CGNL1: variants seen among roughly 807,000 people sequenced by gnomAD.
The protein encoded by CGNL1 is cingulin-like protein 1.
In CGNL1, 132 loss-of-function variants were observed where a neutral mutation model predicts 141.2. The observed-to-expected ratio is 0.93, with a 90% CI of 0.81 to 1.08. The LOEUF (loss-of-function observed/expected upper bound fraction) is 1.08, where lower values mean the gene tolerates loss of function less well. CGNL1 is among the 50% of genes least tolerant of loss of function. The pLI is 0.00. For missense variants in CGNL1, 1,870 were observed against 1,588.6 expected, an observed-to-expected ratio of 1.18 and a Z score of -3.01; for synonymous variants, 690 against 622.1, an observed-to-expected ratio of 1.11 and a Z score of -1.63.
At chr15:57,425,740 CA>C (rs35847617) in intron 1 of CGNL1, among the ~76,000 whole-genome samples, 41,210 of 114,030 alleles carry the variant, frequency 0.36, 5,888 homozygotes, top group African/African-American at 0.4. Context: ...GAGCCTGTCT[CA>C]AAAAAAAAAA....
At chr15:57,526,604 G>A (rs569316876) in intron 12 of CGNL1, among the ~76,000 whole-genome samples, 26 of 152,220 alleles carry the variant, frequency 1.7e-4, no homozygotes, top group African/African-American at 4.8e-4. Flanking sequence ...TTAGAGAATC[G>A]AGACTTAGTG....
chr15:57,456,904 G>A (rs1392433674), intron 7 of CGNL1, among the ~76,000 whole-genome samples: 1 of 152,158 alleles, frequency 6.6e-6, no homozygotes, highest in Non-Finnish European at 1.5e-5. Context: ...AAATAGTCTG[G>A]TTATAAAATT....
At position 57,528,693 on chromosome 15, in the gene CGNL1, G is replaced by A; in HGVS notation, c.3079G>A (p.Ala1027Thr). 1 of 1,614,178 alleles carries A rather than the reference G, an allele frequency of 6.2e-7. No homozygotes were observed. The highest frequency in any genetic ancestry group is 8.5e-7 in the Non-Finnish European group (1 of 1,180,018). Residue 1027 changes from alanine to threonine, a missense_variant, in exon 13 of 19, where the codon GCT (alanine) becomes ACT (threonine). Transcript: ENST00000281282. Reference protein sequence around the residue: ...MEEELRDYQRAQDEALTKRQL... With the variant: ...MEEELRDYQRTQDEALTKRQL... The stretch of plus-strand genomic sequence containing the variant: ...GGAAGAGTTACGGGACTACCAGAGA[G>A]CTCAGGATGAAGCACTCACAAAAAG...
intron 6 of CGNL1, among the ~76,000 whole-genome samples, chr15:57,452,580 G>C (rs542983006): frequency 6.6e-6 from 1 of 152,172 alleles, no homozygotes; most frequent in Non-Finnish European, 1.5e-5. Context: ...AGGGAGCACT[G>C]AGCGCTGATA....
intron 14 of CGNL1, among the ~76,000 whole-genome samples, chr15:57,540,345 AG>A (rs749078375): frequency 5.3e-5 from 8 of 152,216 alleles, no homozygotes; most frequent in Non-Finnish European, 8.8e-5. Context: ...TGAGAAGCAC[AG>A]TCATGTCTTA....
chr15:57,547,295 C>A, intron 18 of CGNL1, 60 bp from the exon 19 acceptor site: 1 of 1,591,438 alleles, frequency 6.3e-7, no homozygotes, highest in South Asian at 1.1e-5. Context: ...CCCTTTAAGT[C>A]CAAATTAGCT....
chr15:57,435,273 T>C (rs144614759), intron 1 of CGNL1, among the ~76,000 whole-genome samples: 2 of 152,246 alleles, frequency 1.3e-5, no homozygotes, highest in African/African-American at 4.8e-5. Flanking sequence ...TATTGGTAGG[T>C]TAGCCAAGTG....
At chr15:57,412,976 T>A (rs1285842999) in intron 1 of CGNL1, among the ~76,000 whole-genome samples, 1 of 152,124 alleles carries the variant, frequency 6.6e-6, no homozygotes, top group Non-Finnish European at 1.5e-5. Flanking sequence ...TTCTCCTGCC[T>A]CAGCCTCCTG....
intron 14 of CGNL1, among the ~76,000 whole-genome samples, chr15:57,540,949 C>T (rs1205522512): frequency 2.6e-5 from 4 of 152,200 alleles, no homozygotes; most frequent in African/African-American, 4.8e-5. Flanking sequence ...AGGGGAAACT[C>T]CTAATGGTTG....
At chr15:57,472,768 C>G (rs1415255460) in intron 8 of CGNL1, among the ~76,000 whole-genome samples, 2 of 152,072 alleles carry the variant, frequency 1.3e-5, no homozygotes, top group Admixed American at 1.3e-4. Context: ...TGTCTTTGGG[C>G]AGGTGGATGA....
intron 8 of CGNL1, among the ~76,000 whole-genome samples, chr15:57,467,525 TG>T (rs1567136503): frequency 3.3e-5 from 5 of 152,110 alleles, no homozygotes. Context: ...AGAGATCCAA[TG>T]AGTGGACCGT....
chr15:57,431,867 A>C (rs574900190), intron 1 of CGNL1, among the ~76,000 whole-genome samples: 1 of 152,272 alleles, frequency 6.6e-6, no homozygotes, highest in Admixed American at 6.5e-5. Context: ...GTTTTAGCTC[A>C]TGTTTATCAT....
chr15:57,413,595 G>A lies in CGNL1; in HGVS notation c.-15-24390G>A, dbSNP rs573018407. On this transcript the variant is annotated intron_variant, in intron 1 of 18. Coordinates refer to ENST00000281282, the MANE Select transcript of CGNL1 (RefSeq NM_032866.5). The stretch of plus-strand genomic sequence containing the variant: ...GCCACCATGCCCGGCCAGCATCTCA[G>A]TAGGGAAACCACTCCTTCCTGGCCG... 1.1e-4 allele frequency among the ~76,000 whole-genome samples: 16 copies of A among 152,356 alleles called. No individual in the cohort carries two copies. The South Asian group carries it at 1.7e-3, about 16-fold the overall frequency.
chr15:57,427,670 G>C (rs192379306), intron 1 of CGNL1, among the ~76,000 whole-genome samples: 2 of 152,214 alleles, frequency 1.3e-5, no homozygotes, highest in Non-Finnish European at 2.9e-5. Flanking sequence ...AACATATTCC[G>C]AGGGAGAATA....
chr15:57,457,511 T>C (rs1055283721), intron 7 of CGNL1, among the ~76,000 whole-genome samples: 3 of 152,202 alleles, frequency 2.0e-5, no homozygotes, highest in Admixed American at 2.0e-4. Flanking sequence ...GCATCTGTAC[T>C]AGGCTGTTTT....
intron 1 of CGNL1, among the ~76,000 whole-genome samples, chr15:57,429,772 T>C (rs1427951320): frequency 6.6e-6 from 1 of 152,222 alleles, no homozygotes; most frequent in Non-Finnish European, 1.5e-5. Flanking sequence ...AAGCCAGCTT[T>C]CTTGTGCCCA....
At chr15:57,410,227 A>G (rs1279095385) in intron 1 of CGNL1, among the ~76,000 whole-genome samples, 1 of 152,248 alleles carries the variant, frequency 6.6e-6, no homozygotes, top group Non-Finnish European at 1.5e-5. Context: ...TCAGCTTCAC[A>G]ATCAAATTAC....
At chr15:57,530,510 CGA>C (rs1368699730) in intron 13 of CGNL1, among the ~76,000 whole-genome samples, 1 of 152,152 alleles carries the variant, frequency 6.6e-6, no homozygotes, top group Non-Finnish European at 1.5e-5. Flanking sequence ...GCTCTCCTAA[CGA>C]CGGACATTTT....
chr15:57,474,634 C>G (rs773899456), intron 8 of CGNL1, among the ~76,000 whole-genome samples: 1 of 152,180 alleles, frequency 6.6e-6, no homozygotes, highest in Non-Finnish European at 1.5e-5. Context: ...TAGAATTCTC[C>G]TAGTCTTTCT....
Sources: allele counts gnomAD v4.1 joint callset (sites outside exome capture counted in the v4.1 genomes callset), GRCh38; gene constraint gnomAD v4.1.1; transcripts MANE v1.5; gene names NCBI Gene and HGNC (gene_info 2026-07-23, HGNC 2026-07-21).